Variants in APC2 observed in about 807,000 individuals in gnomAD.
APC2 encodes adenomatous polyposis coli protein 2.
Under a neutral mutation model 72.5 loss-of-function variants are expected in APC2, and 41 were observed. That is an observed-to-expected ratio of 0.57 (90% CI 0.44 to 0.73). The LOEUF is 0.73. Among genes scored for constraint, APC2 ranks in the 30% least tolerant of loss-of-function variants. The pLI is 0.00. For missense variants in APC2, 3,729 were observed against 3,403.4 expected, an observed-to-expected ratio of 1.10 and a Z score of -2.38; for synonymous variants, 1,898 against 1,612.0, an observed-to-expected ratio of 1.18 and a Z score of -4.25.
chr19:1,451,525 G>A (rs2083743033), intron 1 of APC2: 1 of 152,242 alleles, frequency 6.6e-6, no homozygotes, highest in Non-Finnish European at 1.5e-5. Context: ...TCCAGTCCCT[G>A]TGCCCCTCCC....
chr19:1,459,328 C>T (rs1167647349), intron 10 of APC2, among the ~76,000 whole-genome samples: 1 of 152,162 alleles, frequency 6.6e-6, no homozygotes, highest in Non-Finnish European at 1.5e-5. Flanking sequence ...CCTCAGCCTC[C>T]CAAAGTGCTG....
chr19:1,467,031 G>C lies in APC2; in HGVS notation c.3730G>C (p.Ala1244Pro). 1 of 1,611,208 alleles carries C rather than the reference G, an allele frequency of 6.2e-7. No homozygotes were observed. Among genetic ancestry groups the C allele is most frequent in the Non-Finnish European group, 8.5e-7 (1 of 1,179,426 alleles). The change falls in exon 15 of 15, where the codon GCC (alanine) becomes CCC (proline). Residue 1244 changes from alanine (A) to proline (P), a missense_variant. Transcript: ENST00000590469. ...ESYVKRFLDI[A>P]DCRERCRLPS... ...CTACGTGAAGCGCTTCCTGGACATC[G>C]CCGACTGCCGGGAGCGCTGCCGGCT...
rs765598029 is a variant in APC2, at chr19:1,465,861, A to G, written c.2560A>G (p.Ile854Val). 2 of 1,568,808 alleles carry G rather than the reference A, an allele frequency of 1.3e-6. No individual in the cohort carries two copies. Among genetic ancestry groups the G allele is most frequent in the South Asian group, 1.2e-5 (1 of 86,534 alleles). ...KAKLALAVAR[I>V]DQLVEDISAL... The stretch of plus-strand genomic sequence containing the variant: ...CAAGCTGGCGCTTGCAGTGGCGCGC[A>G]TCGACCAGCTGGTGGAGGACATCTC... The change falls in exon 15 of 15, where the codon ATC becomes GTC. Residue 854 changes from isoleucine to valine, a missense_variant. Ile to Val is a conservative substitution (Grantham distance 29). Coordinates refer to ENST00000590469, the MANE Select transcript of APC2 (RefSeq NM_005883.3).
rs1295278938 is a variant in APC2 at position 1,468,088 on chromosome 19, C to T, written c.4787C>T (p.Ala1596Val). Residue 1596 changes from alanine (A) to valine (V), a missense_variant, in exon 15 of 15, where the codon GCC (alanine) becomes GTC (valine). Ala to Val is a moderately conservative substitution (Grantham distance 64). Coordinates refer to ENST00000590469, the MANE Select transcript of APC2 (RefSeq NM_005883.3). ...LSEPEPSEPP[A>V]VHPRGREPAV... ...GAGCCCGAGCCCTCGGAGCCGCCGG[C>T]CGTCCATCCACGAGGCCGGGAGCCC... is the stretch of plus-strand genomic sequence containing the variant. 6.5e-7 allele frequency: 1 copy of T among 1,545,440 alleles called. No individual in the cohort carries two copies.
At position 1,468,250 on chromosome 19, in the gene APC2, G is replaced by A. The variant is rs1282361215; in HGVS notation, c.4949G>A (p.Arg1650His). The change falls in exon 15 of 15, where the codon CGC becomes CAC. Residue 1650 changes from arginine (R) to histidine (H), a missense_variant. By Grantham distance (29) the Arg-to-His change is conservative (BLOSUM62 0). Coordinates refer to ENST00000590469, the MANE Select transcript of APC2 (RefSeq NM_005883.3). ...CCCCCCGTGTCTGGCCTGCGGCGCC[G>A]CAAGCCCCGAGCCACCCGGCTGGAT... ...RRPPVSGLRR[R>H]KPRATRLDER... 24 of 1,512,252 alleles carry A rather than the reference G, an allele frequency of 1.6e-5. No homozygotes were observed. In the South Asian group the frequency reaches 2.0e-4, roughly 13 times the overall value. The allele number at this position is 1,512,252 out of a possible 1,614,324, so 93.7% of individuals were successfully genotyped here.
upstream of APC2, among the ~76,000 whole-genome samples, chr19:1,449,992 C>A (rs867598529): frequency 1.1e-4 from 16 of 151,846 alleles, no homozygotes; most frequent in Middle Eastern, 3.2e-3. Flanking sequence ...CGCGGAGGCC[C>A]GACGCCCCGC....
Position 1,468,203 on chromosome 19 carries a change from C to T in APC2, c.4902C>T (p.Ser1634=). 6.8e-7 allele frequency: 1 copy of T among 1,470,202 alleles called. No homozygotes were observed. Among genetic ancestry groups the T allele is most frequent in the Non-Finnish European group, 8.9e-7 (1 of 1,120,358 alleles). The allele number at this position is 1,470,202 out of a possible 1,614,324, so 91.1% of individuals were successfully genotyped here. ...AAEELLQRCI[S]SALPRRRPPV... ...AGGAGCTTCTGCAGCGGTGCATCAG[C>T]TCGGCCCTGCCCAGGCGCCGGCCCC... is the stretch of plus-strand genomic sequence containing the variant. Residue 1634 remains serine (S), a synonymous_variant, in exon 15 of 15, where the codon AGC becomes AGT. Transcript: ENST00000590469.
Position 1,468,895 on chromosome 19 carries a change from C to T in APC2, c.5594C>T (p.Pro1865Leu). 6.6e-7 allele frequency: 1 copy of T among 1,522,804 alleles called. No individual in the cohort carries two copies. The allele number at this position is 1,522,804 out of a possible 1,614,324, so 94.3% of individuals were successfully genotyped here. A position where few individuals can be genotyped will look rare whatever the true frequency, so the allele number is the denominator to read the frequency against. Residue 1865 changes from proline to leucine, a missense_variant, in exon 15 of 15, where the codon CCC (proline) becomes CTC (leucine). By Grantham distance (98) the Pro-to-Leu change is moderately conservative. Coordinates refer to ENST00000590469, the MANE Select transcript of APC2 (RefSeq NM_005883.3). ...CAGCCCCCCAGAAGCGCCACACCGC[C>T]CGCCCGCCTCGCCAAGACCCCCTCC... ...LSQPPRSATP[P>L]ARLAKTPSSS...
chr19:1,465,355 T>G lies in APC2; in HGVS notation c.2054T>G (p.Met685Arg). The change falls in exon 15 of 15, where the codon ATG (methionine) becomes AGG (arginine). Residue 685 changes from methionine (M) to arginine (R), a missense_variant. Met to Arg is a moderately conservative substitution (Grantham distance 91). Transcript: ENST00000590469. ...LVHSKHKMIA[M>R]GSAAALRNLL... ...CACTCCAAGCACAAGATGATCGCCATGGGCAGCGCCGCCGCCCTGCGCAAC... is the reference window on the plus strand; with the variant it reads ...CACTCCAAGCACAAGATGATCGCCAGGGGCAGCGCCGCCGCCCTGCGCAAC... The G allele has an allele frequency of 6.3e-7, 1 of 1,586,320 alleles. No individual in the cohort carries two copies. Among genetic ancestry groups the G allele is most frequent in the Non-Finnish European group, 8.5e-7 (1 of 1,173,660 alleles).
intron 1 of APC2, chr19:1,451,538 C>T (rs1240863044): frequency 1.3e-5 from 2 of 152,294 alleles, no homozygotes; most frequent in Non-Finnish European, 2.9e-5. Flanking sequence ...CCCCTCCCAC[C>T]CTGCCCTTGG....
In APC2 at chr19:1,467,686, G is replaced by A. The variant is rs559473525; in HGVS notation, c.4385G>A (p.Arg1462Lys). 2.0e-6 allele frequency: 3 copies of A among 1,471,246 alleles called. No homozygotes were observed. The highest frequency in any genetic ancestry group is 1.3e-5 in the South Asian group (1 of 74,742). 91.1% of individuals were successfully genotyped at this position (1,471,246 alleles called of 1,614,324 possible). A position where few individuals can be genotyped will look rare whatever the true frequency, so the allele number is the denominator to read the frequency against. ...AEQSRGAGKN[R>K]AGLELPLGRP... is the part of the protein sequence containing the mutation. ...CAGTCTCGGGGCGCGGGCAAGAACA[G>A]AGCAGGGCTGGAGCTGCCCCTGGGC... The change falls in exon 15 of 15, where the codon AGA (arginine) becomes AAA (lysine). Residue 1462 changes from arginine (R) to lysine (K), a missense_variant. Transcript: ENST00000590469.
chr19:1,466,724 C>G lies in APC2; in HGVS notation c.3423C>G (p.Asp1141Glu). ...GAGGCCGGGGCCTGGGGGTGGAAGA[C>G]GCCACGCCGTCCAGCTCGTCGGAGA... is the stretch of plus-strand genomic sequence containing the variant. ...RNRGRGLGVE[D>E]ATPSSSSENY... The change falls in exon 15 of 15, where the codon GAC (aspartate) becomes GAG (glutamate). Residue 1141 changes from aspartate (D) to glutamate (E), a missense_variant. Physicochemically the swap from Asp to Glu is conservative, Grantham distance 45. Transcript: ENST00000590469. 1 of 1,537,112 alleles carries G rather than the reference C, an allele frequency of 6.5e-7. No individual in the cohort carries two copies. The highest frequency in any genetic ancestry group is 1.4e-5 in the African/African-American group (1 of 73,206).
At position 1,469,008 on chromosome 19, in the gene APC2, C is replaced by T. The variant is rs1337610933; in HGVS notation, c.5707C>T (p.Pro1903Ser). ...VTQAAGALPG[P>S]GASPVPKTPA... Reference sequence around the variant, plus strand: ...CCAGGCTGCTGGGGCCCTGCCCGGCCCCGGAGCCTCCCCGGTGCCCAAAAC... The same window carrying T: ...CCAGGCTGCTGGGGCCCTGCCCGGCTCCGGAGCCTCCCCGGTGCCCAAAAC... The change falls in exon 15 of 15, where the codon CCC becomes TCC. Residue 1903 changes from proline to serine, a missense_variant. Transcript: ENST00000590469. The T allele has an allele frequency of 1.5e-5, 23 of 1,552,784 alleles. No homozygotes were observed. Among genetic ancestry groups the T allele is most frequent in the Non-Finnish European group, 2.0e-5 (23 of 1,153,042 alleles).
rs771831923 is a variant in APC2 at position 1,456,914 on chromosome 19, G to T, written c.878G>T (p.Arg293Leu). 4 of 1,576,610 alleles carry T rather than the reference G, an allele frequency of 2.5e-6. No individual in the cohort carries two copies. The East Asian group carries it at 7.0e-5, about 27-fold the overall frequency. The change falls in exon 9 of 15, where the codon CGC (arginine) becomes CTC (leucine). Residue 293 changes from arginine (R) to leucine (L), a missense_variant. Physicochemically the swap from Arg to Leu is moderately radical, Grantham distance 102 (BLOSUM62 -2). Coordinates refer to ENST00000590469, the MANE Select transcript of APC2 (RefSeq NM_005883.3). The part of the protein sequence containing the change: ...LATRDQEDTA[R>L]TLLAMSSSPE... ...ACGCGCGACCAGGAGGATACAGCGC[G>T]CACGCTGCTGGCCATGTCCAGCTCG... is the stretch of plus-strand genomic sequence containing the variant.
chr19:1,466,069 C>T lies in APC2; in HGVS notation c.2768C>T (p.Ser923Phe). The change falls in exon 15 of 15, where the codon TCC becomes TTC. Residue 923 changes from serine to phenylalanine, a missense_variant. Ser to Phe is a radical substitution (Grantham distance 155). Coordinates refer to ENST00000590469, the MANE Select transcript of APC2 (RefSeq NM_005883.3). The stretch of plus-strand genomic sequence containing the variant: ...CTCAAGGCGGCCCACGCCAGCCTCT[C>T]CAACGACAGCCTCAACAGCGGCAGT... ...LRLKAAHASL[S>F]NDSLNSGSAS... The T allele has an allele frequency of 1.3e-6, 2 of 1,521,444 alleles. No individual in the cohort carries two copies. Among genetic ancestry groups the T allele is most frequent in the Non-Finnish European group, 1.7e-6 (2 of 1,143,490 alleles). The allele number at this position is 1,521,444 out of a possible 1,614,324, so 94.2% of individuals were successfully genotyped here. A position where few individuals can be genotyped will look rare whatever the true frequency, so the allele number is the denominator to read the frequency against.
At chr19:1,448,839 G>A (rs2083711073), upstream of APC2, among the ~76,000 whole-genome samples, 1 of 132,662 alleles carries the variant, frequency 7.5e-6, no homozygotes, top group South Asian at 2.3e-4. Flanking sequence ...GCAAGACTCC[G>A]TCTCAAAAAA....
chr19:1,457,679 C>A (rs553399172), intron 9 of APC2: 1 of 536,020 alleles, frequency 1.9e-6, no homozygotes, highest in African/African-American at 1.9e-5. Flanking sequence ...GTCTGGACAA[C>A]AGAGCGAGAC....
Position 1,460,222 on chromosome 19 carries a change from G to C in APC2, c.1345G>C (p.Glu449Gln). ...AVAELLQVDY[E>Q]MHKMTRDPLN... ...GGCAGAGCTGCTGCAGGTTGACTAT[G>C]AGATGCACAAGATGACCCGGGACCC... is the stretch of plus-strand genomic sequence containing the variant. Residue 449 changes from glutamate (E) to glutamine (Q), a missense_variant, in exon 11 of 15, where the codon GAG becomes CAG. Transcript: ENST00000590469. 1 of 1,613,572 alleles carries C rather than the reference G, an allele frequency of 6.2e-7. No individual in the cohort carries two copies. The highest frequency in any genetic ancestry group is 1.1e-5 in the South Asian group (1 of 91,086).
At position 1,465,739 on chromosome 19, in the gene APC2, G is replaced by C; in HGVS notation, c.2438G>C (p.Gly813Ala). Residue 813 changes from glycine to alanine, a missense_variant, in exon 15 of 15, where the codon GGG (glycine) becomes GCG (alanine). Transcript: ENST00000590469. ...TTCCTGGGCAGCCCCTTCCTGCAGG[G>C]GCAGGCGCTGGCTCGCACCCCGCCC... ...SLFLGSPFLQ[G>A]QALARTPPTR... The C allele has an allele frequency of 1.3e-6, 2 of 1,542,958 alleles. No individual in the cohort carries two copies. The highest frequency in any genetic ancestry group is 1.7e-6 in the Non-Finnish European group (2 of 1,146,368).
Sources: gnomAD v4.1 joint callset for allele counts (sites outside exome capture counted in the v4.1 genomes callset) on GRCh38, gnomAD v4.1.1 for gene constraint, MANE v1.5 for transcripts, NCBI Gene and HGNC (gene_info 2026-07-23, HGNC 2026-07-21) for gene names.